DGKQ: variants seen among roughly 807,000 people sequenced by gnomAD.
DGKQ encodes the protein diacylglycerol kinase theta, also known as DAG kinase theta.
DGKQ carries 97 observed loss-of-function variants against 104.2 expected under a neutral mutation model. The observed-to-expected ratio is 0.93, with a 90% CI of 0.79 to 1.10. The LOEUF (loss-of-function observed/expected upper bound fraction) is 1.10, where lower values mean the gene tolerates loss of function less well. DGKQ is among the 50% of genes least tolerant of loss of function. The probability of loss-of-function intolerance (pLI) is 0.00; values close to 1 mark genes in which losing one functional copy is unlikely to be tolerated. For missense variants in DGKQ, 1,465 were observed against 1,352.1 expected (o/e 1.08, Z -1.31); for synonymous variants, 736 against 595.2 (o/e 1.24, Z -3.44).
chr4:961,637 T>C, intron 20 of DGKQ, 51 bp downstream of exon 20: 1 of 1,610,866 alleles, frequency 6.2e-7, no homozygotes. Flanking sequence ...GGGCTGAGCC[T>C]GCCCATGGCC....
Position 963,281 on chromosome 4 carries a change from G to A in DGKQ, c.1744C>T (p.Leu582=), listed in dbSNP as rs748410490. The change falls in exon 16 of 23, where the codon CTG becomes TTG. Residue 582 remains leucine, a synonymous_variant. Coordinates refer to ENST00000273814, the MANE Select transcript of DGKQ (RefSeq NM_001347.4). ...LVLPDLLHAK[L]PPDSCPLLVF... ...AGGAGGGGACAGCTGTCTGGGGGCAGCTTCGCGTGCTGACAGACAGGGGGC... is the reference window on the plus strand; with the variant it reads ...AGGAGGGGACAGCTGTCTGGGGGCAACTTCGCGTGCTGACAGACAGGGGGC... The A allele has an allele frequency of 1.2e-6, 2 of 1,601,108 alleles. No individual in the cohort carries two copies. Among genetic ancestry groups the A allele is most frequent in the Non-Finnish European group, 1.7e-6 (2 of 1,170,562 alleles).
rs1711755216 is a variant in DGKQ at position 959,993 on chromosome 4, CTG to C, written c.*625_*626del. The C allele has an allele frequency of 6.6e-6, 1 of 152,310 alleles. No homozygotes were observed. The highest frequency in any genetic ancestry group is 1.5e-5 in the Non-Finnish European group (1 of 68,082). The allele number at this position is 152,310 out of a possible 1,614,324, so 9.4% of individuals were successfully genotyped here. A position where few individuals can be genotyped will look rare whatever the true frequency, so the allele number is the denominator to read the frequency against. Reference sequence around the variant, plus strand: ...CTGTACCTGAGATCCAAGCTGCCATCTGTATATAACAAGGCCAGAAAACAAGG... The same window carrying C: ...CTGTACCTGAGATCCAAGCTGCCATCTATATAACAAGGCCAGAAAACAAGG... On this transcript the variant is annotated 3_prime_UTR_variant, in exon 23 of 23. Transcript: ENST00000273814.
chr4:965,461 CAT>C, intron 14 of DGKQ, 28 bp downstream of exon 14: 1 of 1,607,004 alleles, frequency 6.2e-7, no homozygotes, highest in Non-Finnish European at 8.5e-7. Flanking sequence ...CCCTGGGCCT[CAT>C]GTGACCACGT....
At chr4:965,601 T>A (rs1712249033) in intron 13 of DGKQ, 72 bp from the exon 14 acceptor site, 8 of 1,528,238 alleles carry the variant, frequency 5.2e-6, no homozygotes, top group Non-Finnish European at 6.3e-6. Flanking sequence ...GGACAGCCCC[T>A]CCGCCTGTCC....
rs370283704 is a variant in DGKQ at position 967,236 on chromosome 4, C to T, written c.1113G>A (p.Ser371=). Residue 371 remains serine, a synonymous_variant, in exon 9 of 23, where the codon TCG becomes TCA. Coordinates refer to ENST00000273814, the MANE Select transcript of DGKQ (RefSeq NM_001347.4). ...CGGACCCGGGGCTTCTGCCCTCCTC[C>T]GAGATCACAGCACTCCCAGCCTTGC... The part of the protein sequence containing the change: ...AGGKAGSAVI[S]EEGRSPGSGE... The T allele has an allele frequency of 3.2e-5, 50 of 1,572,198 alleles. No individual in the cohort carries two copies. The highest frequency in any genetic ancestry group is 1.5e-4 in the South Asian group (13 of 86,212).
intron 22 of DGKQ, 36 bp from the exon 23 acceptor site, chr4:960,757 A>G (rs1381575203): frequency 1.2e-6 from 2 of 1,604,534 alleles, no homozygotes; most frequent in East Asian, 2.2e-5. Context: ...CCAGGGTGAC[A>G]TGGCCGATGA....
chr4:960,944 T>A, intron 22 of DGKQ, 105 bp downstream of exon 22: 7 of 1,538,148 alleles, frequency 4.6e-6, no homozygotes, highest in Non-Finnish European at 6.1e-6. Context: ...CAGTGCTCCC[T>A]GGCCGCAGCC....
intron 12 of DGKQ, 168 bp from the exon 13 acceptor site, chr4:966,246 C>T (rs1269460698): frequency 6.9e-6 from 6 of 873,816 alleles, no homozygotes; most frequent in Non-Finnish European, 8.8e-6. Context: ...TTGCTGTGGA[C>T]AACCCCTGTC....
intron 18 of DGKQ, 82 bp downstream of exon 18, chr4:962,353 G>A (rs1323550384): frequency 1.5e-6 from 2 of 1,377,304 alleles, no homozygotes; most frequent in African/African-American, 1.4e-5. Flanking sequence ...AGTGTGGCTG[G>A]GAAGAGGACG....
Position 966,010 on chromosome 4 carries a change from G to A in DGKQ, c.1497C>T (p.Val499=). 1.9e-6 allele frequency: 3 copies of A among 1,605,484 alleles called. No individual in the cohort carries two copies. Among genetic ancestry groups the A allele is most frequent in the Non-Finnish European group, 2.5e-6 (3 of 1,176,938 alleles). The change falls in exon 13 of 23, where the codon GTC becomes GTT. Residue 499 remains valine (V), a synonymous_variant. Transcript: ENST00000273814. ...GAGGCAGGCCGCCAACAAACAGGGA[G>A]ACGTGCGGGGCTACATCCCTGCTCT... ...VAESRDVAPH[V]SLFVGGLPPG... is the part of the protein sequence containing the mutation.
At position 967,901 on chromosome 4, in the gene DGKQ, T is replaced by A; in HGVS notation, c.790A>T (p.Ile264Phe). The A allele has an allele frequency of 6.9e-7, 1 of 1,455,068 alleles. No individual in the cohort carries two copies. The highest frequency in any genetic ancestry group is 9.0e-7 in the Non-Finnish European group (1 of 1,112,058). The allele number at this position is 1,455,068 out of a possible 1,614,324, so 90.1% of individuals were successfully genotyped here. ...GGFSKTQSFR[I>F]VEAAEPGEGG... Reference sequence around the variant, plus strand: ...TCACCCGGCTCCGCGGCCTCCACGATGCGGAAGCTCTGCGTCTTGCTGAAG... The same window carrying A: ...TCACCCGGCTCCGCGGCCTCCACGAAGCGGAAGCTCTGCGTCTTGCTGAAG... The change falls in exon 6 of 23, where the codon ATC (isoleucine) becomes TTC (phenylalanine). Residue 264 changes from isoleucine (I) to phenylalanine (F), a missense_variant. Physicochemically the swap from Ile to Phe is conservative, Grantham distance 21 (BLOSUM62 0). Coordinates refer to ENST00000273814, the MANE Select transcript of DGKQ (RefSeq NM_001347.4).
intron 19 of DGKQ, 25 bp from the exon 20 acceptor site, chr4:961,859 T>A (rs1711913590): frequency 6.3e-7 from 1 of 1,591,964 alleles, no homozygotes; most frequent in African/African-American, 1.3e-5. Context: ...AGGTCACCCA[T>A]CACCAGGGGA....
chr4:968,600 C>T, intron 3 of DGKQ, 36 bp from the exon 4 acceptor site: 1 of 1,549,524 alleles, frequency 6.5e-7, no homozygotes. Context: ...GTCTGCCGCC[C>T]CCGGAGGACC....
At chr4:961,636 C>T in intron 20 of DGKQ, 52 bp downstream of exon 20, 1 of 1,610,874 alleles carries the variant, frequency 6.2e-7, no homozygotes, top group Non-Finnish European at 8.5e-7. Flanking sequence ...AGGGCTGAGC[C>T]TGCCCATGGC....
At chr4:962,218 G>A in intron 18 of DGKQ, 136 bp from the exon 19 acceptor site, 1 of 887,578 alleles carries the variant, frequency 1.1e-6, no homozygotes, top group South Asian at 1.6e-5. Context: ...GGAGAGGGCA[G>A]CATGGGCAGG....
chr4:962,636 G>T, intron 17 of DGKQ, 23 bp from the exon 18 acceptor site: 1 of 1,603,516 alleles, frequency 6.2e-7, no homozygotes, highest in South Asian at 1.1e-5. Context: ...CAGACACAGA[G>T]CATCTGTCCA....
Position 961,590 on chromosome 4 carries a change from G to C in DGKQ, c.2463-12C>G. ...CCCCCGAGCCCCAGCTGCCGCATAA[G>C]AGAGCGGGCACAGAGGTGTAGGTGC... On this transcript the variant is annotated splice_polypyrimidine_tract_variant and intron_variant, in intron 20 of 22. Coordinates refer to ENST00000273814, the MANE Select transcript of DGKQ (RefSeq NM_001347.4). The C allele has an allele frequency of 6.2e-7, 1 of 1,609,796 alleles. No homozygotes were observed. Among genetic ancestry groups the C allele is most frequent in the South Asian group, 1.1e-5 (1 of 90,826 alleles).
chr4:967,293 AG>A lies in DGKQ; in HGVS notation c.1055del (p.Pro352LeufsTer18). ...PGHLELCRLP[P>X]SSQACDAWAG... ...CCCAGGCGTCACAGGCCTGAGAGGA[AG>A]GGGGCAGCCGGCACAGCTCCAGGTG... On this transcript the variant is annotated frameshift_variant, in exon 9 of 23. Coordinates refer to ENST00000273814, the MANE Select transcript of DGKQ (RefSeq NM_001347.4). LOFTEE classifies it high-confidence loss of function. 6.5e-7 allele frequency: 1 copy of A among 1,543,930 alleles called. No homozygotes were observed.
At chr4:965,573 A>G in intron 13 of DGKQ, 44 bp from the exon 14 acceptor site, 6 of 1,603,904 alleles carry the variant, frequency 3.7e-6, no homozygotes, top group Non-Finnish European at 5.1e-6. Context: ...GGCGAAGGAC[A>G]CACAGCACTG....
Sources: allele counts gnomAD v4.1 joint callset, GRCh38; gene constraint gnomAD v4.1.1; transcripts MANE v1.5; gene names NCBI Gene and HGNC (gene_info 2026-07-23, HGNC 2026-07-21).